Variants in TMEM44 observed in about 807,000 individuals in gnomAD.
TMEM44 encodes transmembrane protein 44.
In TMEM44, 43 loss-of-function variants were observed where a neutral mutation model predicts 47.8. The observed-to-expected ratio is 0.90, with a 90% CI of 0.70 to 1.16. The LOEUF (loss-of-function observed/expected upper bound fraction) is 1.16. Among genes scored for constraint, TMEM44 ranks in the 50% most tolerant of loss-of-function variants. The probability of loss-of-function intolerance (pLI) is 0.00; values close to 1 mark genes in which losing one functional copy is unlikely to be tolerated. For synonymous variants in TMEM44, 277 were observed against 238.8 expected (o/e 1.16, Z -1.48); for missense variants, 568 against 555.2 (o/e 1.02, Z -0.23).
chr3:194,596,022 T>A (rs902362778), intron 9 of TMEM44, among the ~76,000 whole-genome samples: 3 of 151,910 alleles, frequency 2.0e-5, no homozygotes, highest in East Asian at 3.9e-4. Flanking sequence ...CAGCGAAAGG[T>A]AGGAGAAGAC....
intron 9 of TMEM44, chr3:194,593,023 G>C (rs754514296): frequency 5.6e-6 from 9 of 1,613,634 alleles, no homozygotes; most frequent in Admixed American, 3.3e-5. Context: ...GGAAGAGAAA[G>C]AGCATGATCG....
chr3:194,588,398 G>A lies in TMEM44; in HGVS notation c.*131C>T, dbSNP rs1712122586. 3 of 736,042 alleles carry A rather than the reference G, an allele frequency of 4.1e-6. No homozygotes were observed. Among genetic ancestry groups the A allele is most frequent in the Non-Finnish European group, 4.5e-6 (2 of 443,262 alleles). The allele number at this position is 736,042 out of a possible 1,614,324, so 45.6% of individuals were successfully genotyped here. A position where few individuals can be genotyped will look rare whatever the true frequency, so the allele number is the denominator to read the frequency against. Reference sequence around the variant, plus strand: ...ATGTAGCCCAGCCACACTCAGTGACGGCTCCTGGTTCCTCACTTGCCAGGG... The same window carrying A: ...ATGTAGCCCAGCCACACTCAGTGACAGCTCCTGGTTCCTCACTTGCCAGGG... On this transcript the variant is annotated 3_prime_UTR_variant, in exon 10 of 10. Transcript: ENST00000347147.
At position 194,623,319 on chromosome 3, in the gene TMEM44, A is replaced by G. The variant is rs757124259; in HGVS notation, c.526-9T>C. Reference sequence around the variant, plus strand: ...AGGATCTCAGTATTTTCCTGCAAGAACGAACAGGTGATCCACCATCAGTAC... The same window carrying G: ...AGGATCTCAGTATTTTCCTGCAAGAGCGAACAGGTGATCCACCATCAGTAC... On this transcript the variant is annotated splice_polypyrimidine_tract_variant and intron_variant, in intron 4 of 9. Coordinates refer to ENST00000347147, the MANE Select transcript of TMEM44 (RefSeq NM_001011655.3). The G allele has an allele frequency of 2.5e-6, 4 of 1,598,736 alleles. No homozygotes were observed. In the South Asian group the frequency reaches 4.5e-5, roughly 18 times the overall value.
chr3:194,614,935 CT>C (rs1415244063), intron 7 of TMEM44, among the ~76,000 whole-genome samples: 1 of 152,092 alleles, frequency 6.6e-6, no homozygotes, highest in East Asian at 1.9e-4. Flanking sequence ...TAGACAGTAG[CT>C]TTTTAAAGTG....
chr3:194,625,458 GTTTT>G (rs1167580508), intron 3 of TMEM44, among the ~76,000 whole-genome samples: 1 of 143,524 alleles, frequency 7.0e-6, no homozygotes, highest in African/African-American at 2.6e-5. Context: ...TTTGTTTTTT[GTTTT>G]TTTTGAGACG....
At chr3:194,600,500 G>A (rs1473594914) in intron 9 of TMEM44, among the ~76,000 whole-genome samples, 2 of 151,710 alleles carry the variant, frequency 1.3e-5, no homozygotes, top group Admixed American at 6.6e-5. Context: ...TGTAATCCCA[G>A]CACTTTGGGA....
At chr3:194,599,555 G>A (rs1713819466) in intron 9 of TMEM44, among the ~76,000 whole-genome samples, 3 of 149,320 alleles carry the variant, frequency 2.0e-5, no homozygotes, top group South Asian at 4.2e-4. Flanking sequence ...TTTACACTTC[G>A]CAAATTTTCT....
At chr3:194,598,288 C>T (rs919037748) in intron 9 of TMEM44, among the ~76,000 whole-genome samples, 1 of 152,150 alleles carries the variant, frequency 6.6e-6, no homozygotes, top group South Asian at 2.1e-4. Flanking sequence ...TCCTTGAGAA[C>T]AGAGTCAGAG....
At chr3:194,628,646 C>A (rs1296074424) in intron 1 of TMEM44, 137 bp from the exon 2 acceptor site, 29 of 1,102,460 alleles carry the variant, frequency 2.6e-5, no homozygotes, top group Non-Finnish European at 3.6e-5. Context: ...TGTTTTTGAA[C>A]TGAGTTTACA....
chr3:194,616,602 C>T (rs1030571400), intron 6 of TMEM44: 5 of 456,600 alleles, frequency 1.1e-5, no homozygotes, highest in East Asian at 6.9e-5. Context: ...AAGAGGCAAG[C>T]GAAGATTCCC....
At chr3:194,612,415 T>C (rs115892735) in intron 7 of TMEM44, among the ~76,000 whole-genome samples, 2,043 of 152,306 alleles carry the variant, frequency 0.013, 40 homozygotes, top group African/African-American at 0.046. Context: ...CGATCTTCTA[T>C]TTCACGGACT....
At chr3:194,624,339 C>T (rs1716907575) in intron 3 of TMEM44, among the ~76,000 whole-genome samples, 1 of 151,812 alleles carries the variant, frequency 6.6e-6, no homozygotes, top group Non-Finnish European at 1.5e-5. Flanking sequence ...TCCTGAGAAA[C>T]TCTAAGAAGA....
chr3:194,623,739 C>A (rs975087001), intron 3 of TMEM44, 44 bp from the exon 4 acceptor site: 1 of 1,611,114 alleles, frequency 6.2e-7, no homozygotes, highest in Non-Finnish European at 8.5e-7. Context: ...GGAAGCCAGA[C>A]CTTGTCAGAT....
At chr3:194,601,740 G>A (rs1214594080) in intron 9 of TMEM44, among the ~76,000 whole-genome samples, 6 of 152,280 alleles carry the variant, frequency 3.9e-5, no homozygotes, top group African/African-American at 1.2e-4. Flanking sequence ...ATGAGCCACT[G>A]TGCCTGGCCG....
intron 7 of TMEM44, 119 bp downstream of exon 7, chr3:194,615,450 G>T: frequency 7.1e-7 from 1 of 1,401,334 alleles, no homozygotes; most frequent in Non-Finnish European, 9.6e-7. Flanking sequence ...TGAGTCGCCT[G>T]CAGAGAACAC....
At chr3:194,616,369 C>T (rs780312447) in intron 6 of TMEM44, 35 of 324,502 alleles carry the variant, frequency 1.1e-4, no homozygotes, top group South Asian at 4.1e-4. Flanking sequence ...TGACCTTATT[C>T]GGAAGTAGGG....
intron 1 of TMEM44, among the ~76,000 whole-genome samples, chr3:194,628,979 C>A (rs946036817): frequency 4.6e-5 from 7 of 152,118 alleles, no homozygotes; most frequent in Non-Finnish European, 1.0e-4. Flanking sequence ...TCCTGGCCAA[C>A]ATGGTGAAAC....
chr3:194,629,929 TCG>T (rs1717606960), intron 1 of TMEM44, among the ~76,000 whole-genome samples: 1 of 44,832 alleles, frequency 2.2e-5, no homozygotes, highest in African/African-American at 9.0e-5. Flanking sequence ...TAATACGCTG[TCG>T]TACTGCCTCC....
intron 1 of TMEM44, among the ~76,000 whole-genome samples, chr3:194,629,705 AT>A (rs1717572943): frequency 7.4e-6 from 1 of 135,154 alleles, no homozygotes; most frequent in Non-Finnish European, 1.6e-5. Flanking sequence ...CCCTGAAATA[AT>A]ACGCTGTCGT....
Sources: gnomAD v4.1 joint callset for allele counts (sites outside exome capture counted in the v4.1 genomes callset) on GRCh38, gnomAD v4.1.1 for gene constraint, MANE v1.5 for transcripts, NCBI Gene and HGNC (gene_info 2026-07-23, HGNC 2026-07-21) for gene names.